TUT7: variants seen among roughly 807,000 people sequenced by gnomAD.
TUT7 encodes terminal uridylyl transferase 7.
TUT7 carries 33 observed loss-of-function variants against 165.9 expected under a neutral mutation model. That is an observed-to-expected ratio of 0.20 (90% CI 0.15 to 0.27). The LOEUF (loss-of-function observed/expected upper bound fraction) is 0.27. TUT7 is among the 10% of genes least tolerant of loss of function. TUT7 has a pLI of 1.00. For synonymous variants in TUT7, 552 were observed against 608.1 expected (o/e 0.91, Z 1.36); for missense variants, 1,338 against 1,762.3 (o/e 0.76, Z 4.31).
intron 10 of TUT7, among the ~76,000 whole-genome samples, chr9:86,334,623 G>T (rs1830607815): frequency 6.6e-6 from 1 of 151,966 alleles, no homozygotes; most frequent in African/African-American, 2.4e-5. Context: ...CGTTTGTTCA[G>T]TTTTTTTTCT....
chr9:86,328,175 T>C (rs1033843532), intron 11 of TUT7, among the ~76,000 whole-genome samples, 165 bp downstream of exon 11: 1 of 152,214 alleles, frequency 6.6e-6, no homozygotes, highest in Admixed American at 6.5e-5. Flanking sequence ...CTAATATTTT[T>C]TTTAACCTTT....
At chr9:86,292,351 C>A (rs547754914) in intron 26 of TUT7, among the ~76,000 whole-genome samples, 1 of 152,056 alleles carries the variant, frequency 6.6e-6, no homozygotes, top group Non-Finnish European at 1.5e-5. Flanking sequence ...CACCTGTAAT[C>A]CCAGCTACTT....
At chr9:86,339,927 A>G in intron 8 of TUT7, 109 bp downstream of exon 8, 1 of 855,220 alleles carries the variant, frequency 1.2e-6, no homozygotes, top group Non-Finnish European at 1.9e-6. Context: ...ATGTGTGATA[A>G]CCAAATAAAA....
chr9:86,335,997 G>A (rs886187589), intron 10 of TUT7, among the ~76,000 whole-genome samples: 1 of 152,162 alleles, frequency 6.6e-6, no homozygotes, highest in African/African-American at 2.4e-5. Context: ...ATACTACCCT[G>A]AAGTATCCTT....
chr9:86,315,796 T>C (rs1828666909), intron 17 of TUT7, among the ~76,000 whole-genome samples: 1 of 152,080 alleles, frequency 6.6e-6, no homozygotes, highest in South Asian at 2.1e-4. Context: ...CAAATCAATG[T>C]ACATTTAAAA....
chr9:86,292,665 T>C (rs1325563016), intron 26 of TUT7, among the ~76,000 whole-genome samples: 3 of 151,206 alleles, frequency 2.0e-5, no homozygotes. Context: ...TGTGAGCTAC[T>C]TGGGAGGCTG....
At position 86,319,591 on chromosome 9, in the gene TUT7, G is replaced by C; in HGVS notation, c.3108C>G (p.Asp1036Glu). 6.3e-7 allele frequency: 1 copy of C among 1,599,302 alleles called. No individual in the cohort carries two copies. Among genetic ancestry groups the C allele is most frequent in the Non-Finnish European group, 8.5e-7 (1 of 1,172,636 alleles). The change falls in exon 15 of 27, where the codon GAC becomes GAG. Residue 1036 changes from aspartate to glutamate, a missense_variant. Around this residue, in one of 7 missense-constraint regions of TUT7, gnomAD observed 157 missense variants for 357.5 expected, o/e 0.44. Coordinates refer to ENST00000375963, the MANE Select transcript of TUT7 (RefSeq NM_024617.4). The stretch of plus-strand genomic sequence containing the variant: ...AAAAAATAAATCATTTACCTGGAAA[G>C]TCCTGTCTTATGAAACTTTCTAGGT... ...RQNLESFIRQ[D>E]FPGTKLSLFG...
chr9:86,329,515 C>T (rs1268183959), intron 10 of TUT7, among the ~76,000 whole-genome samples: 1 of 133,306 alleles, frequency 7.5e-6, no homozygotes, highest in Non-Finnish European at 1.6e-5. Flanking sequence ...AAGAGCGAAA[C>T]TCCATCTCAA....
At chr9:86,293,817 T>G (rs1481061512) in intron 26 of TUT7, among the ~76,000 whole-genome samples, 1 of 152,200 alleles carries the variant, frequency 6.6e-6, no homozygotes, top group Admixed American at 6.5e-5. Context: ...TGATCTCGGC[T>G]CACTGCAGCC....
chr9:86,344,463 C>T (rs1831580641), intron 5 of TUT7, among the ~76,000 whole-genome samples: 2 of 152,020 alleles, frequency 1.3e-5, no homozygotes, highest in Non-Finnish European at 2.9e-5. Context: ...TAAAAACAGG[C>T]AGAAGACAGA....
chr9:86,317,301 C>T, intron 16 of TUT7, 25 bp from the exon 17 acceptor site: 3 of 1,603,980 alleles, frequency 1.9e-6, no homozygotes, highest in Non-Finnish European at 1.7e-6. Context: ...GCATAAAGAA[C>T]TTAACCAAAA....
Position 86,325,324 on chromosome 9 carries a change from T to G in TUT7, c.1789+10A>C, listed in dbSNP as rs758382543. On this transcript the variant is annotated intron_variant, in intron 12 of 26. Transcript: ENST00000375963. ...GAGTGGGGGGGAATAAGATAAACAT[T>G]TTGAGATACCTTCAATGGCAATGCG... 1.9e-6 allele frequency: 3 copies of G among 1,612,140 alleles called. No individual in the cohort carries two copies. The highest frequency in any genetic ancestry group is 2.5e-6 in the Non-Finnish European group (3 of 1,178,752).
Position 86,345,670 on chromosome 9 carries a change from TTAA to T in TUT7, c.815_817del (p.Ile272del). On this transcript the variant is annotated inframe_deletion and splice_region_variant, in exon 4 of 27. Coordinates refer to ENST00000375963, the MANE Select transcript of TUT7 (RefSeq NM_024617.4). The stretch of plus-strand genomic sequence containing the variant: ...TTGTTTGGGTTACATTCAATTTACC[TTAA>T]TGTTTTTCTTGTGCCTCTTTTCCTT... 1 of 1,604,000 alleles carries T rather than the reference TTAA, an allele frequency of 6.2e-7. No homozygotes were observed. Among genetic ancestry groups the T allele is most frequent in the Non-Finnish European group, 8.5e-7 (1 of 1,171,674 alleles).
rs775069371 is a variant in TUT7, at chr9:86,323,248, T to C, written c.2502A>G (p.Val834=). The C allele has an allele frequency of 1.2e-5, 19 of 1,614,032 alleles. No homozygotes were observed. Among genetic ancestry groups the C allele is most frequent in the Non-Finnish European group, 1.5e-5 (18 of 1,180,040 alleles). Residue 834 remains valine (V), a synonymous_variant, in exon 13 of 27, where the codon GTA becomes GTG. Coordinates refer to ENST00000375963, the MANE Select transcript of TUT7 (RefSeq NM_024617.4). ...EDSLNHFTHS[V]QGQTSEMIPS... ...GAATCATTTCTGATGTCTGGCCCTG[T>C]ACTGAGTGGGTAAAGTGGTTTAGAG...
chr9:86,308,562 C>T lies in TUT7; in HGVS notation c.3705G>A (p.Gly1235=), dbSNP rs748049147. 7 of 1,613,430 alleles carry T rather than the reference C, an allele frequency of 4.3e-6. No homozygotes were observed. In the South Asian group the frequency reaches 5.5e-5, roughly 13 times the overall value. The part of the protein sequence containing the change: ...SECGKNTESV[G]QLWLGLLRFY... ...AACGAAGAAGGCCCAACCATAACTG[C>T]CCAACAGATTCTGTATTTTTTCCAC... The change falls in exon 22 of 27, where the codon GGG becomes GGA. Residue 1235 remains glycine (G), a synonymous_variant. Transcript: ENST00000375963.
intron 17 of TUT7, among the ~76,000 whole-genome samples, chr9:86,313,813 G>T (rs1040367332): frequency 1.3e-5 from 2 of 152,164 alleles, no homozygotes; most frequent in South Asian, 4.1e-4. Flanking sequence ...GTCAGAGTTT[G>T]AGTTTCTTCT....
At chr9:86,317,411 TG>T in intron 16 of TUT7, 135 bp from the exon 17 acceptor site, 2 of 722,652 alleles carry the variant, frequency 2.8e-6, no homozygotes, top group Non-Finnish European at 4.6e-6. Flanking sequence ...CCTTTCTAGT[TG>T]GGTATTAGAG....
chr9:86,303,623 T>G (rs537091684), intron 24 of TUT7, among the ~76,000 whole-genome samples: 1 of 152,300 alleles, frequency 6.6e-6, no homozygotes, highest in African/African-American at 2.4e-5. Flanking sequence ...GAAAAAAAAC[T>G]ATGTGTTTCT....
At position 86,308,460 on chromosome 9, in the gene TUT7, T is replaced by C. The variant is rs1157524457; in HGVS notation, c.3807A>G (p.Lys1269=). The C allele has an allele frequency of 6.2e-7, 1 of 1,613,442 alleles. No homozygotes were observed. Among genetic ancestry groups the C allele is most frequent in the Admixed American group, 1.7e-5 (1 of 59,866 alleles). Residue 1269 remains lysine (K), a synonymous_variant, in exon 22 of 27, where the codon AAA becomes AAG. Transcript: ENST00000375963. ...TAACAATGTATTTTGAGGTCCACTG[T>C]TTCTTAAAAGTTGTAAGCAGACTTT... ...RRKSLLTTFK[K]QWTSKYIVIE...
Sources: allele counts gnomAD v4.1 joint callset (sites outside exome capture counted in the v4.1 genomes callset), GRCh38; gene constraint gnomAD v4.1.1; regional missense constraint gnomAD v4.1.1; transcripts MANE v1.5; gene names NCBI Gene and HGNC (gene_info 2026-07-23, HGNC 2026-07-21).